CNBD1: variants seen among roughly 807,000 people sequenced by gnomAD.
The protein encoded by CNBD1 is cyclic nucleotide-binding domain-containing protein 1.
In CNBD1, 71 loss-of-function variants were observed where a neutral mutation model predicts 54.4. That is an observed-to-expected ratio of 1.30 (90% CI 1.08 to 1.59). The LOEUF (loss-of-function observed/expected upper bound fraction) is 1.59. Ranked by LOEUF, CNBD1 falls within the 40% of genes most tolerant of loss-of-function variation. The pLI is 0.00. For missense variants in CNBD1, 659 were observed against 518.0 expected (o/e 1.27, Z -2.64); for synonymous variants, 182 against 170.7 (o/e 1.07, Z -0.51).
chr8:87,328,258 G>C (rs888299883), intron 8 of CNBD1, among the ~76,000 whole-genome samples: 2 of 151,678 alleles, frequency 1.3e-5, no homozygotes, highest in South Asian at 2.1e-4. Flanking sequence ...TTTATTTTTG[G>C]CACCCTTGTC....
At chr8:86,910,900 C>T (rs1004613558) in intron 3 of CNBD1, among the ~76,000 whole-genome samples, 3 of 152,100 alleles carry the variant, frequency 2.0e-5, no homozygotes, top group African/African-American at 7.2e-5. Flanking sequence ...TATAGATGAG[C>T]TTGAGGAGGT....
chr8:86,924,525 G>A (rs546943364), intron 3 of CNBD1, among the ~76,000 whole-genome samples: 2 of 152,092 alleles, frequency 1.3e-5, no homozygotes, highest in African/African-American at 2.4e-5. Context: ...TTCTGTGGGT[G>A]GAAAAAGTAG....
chr8:87,185,916 C>T (rs1359561688), intron 4 of CNBD1, among the ~76,000 whole-genome samples: 2 of 152,082 alleles, frequency 1.3e-5, no homozygotes, highest in African/African-American at 2.4e-5. Flanking sequence ...TGGATTCCCT[C>T]GTCCCATTCT....
chr8:86,928,572 T>G (rs1157974571), intron 3 of CNBD1, among the ~76,000 whole-genome samples: 2 of 152,224 alleles, frequency 1.3e-5, no homozygotes. Flanking sequence ...GGACTTTAAC[T>G]ACTTCCTGAG....
intron 3 of CNBD1, among the ~76,000 whole-genome samples, chr8:86,907,678 AAAAC>A (rs1240508283): frequency 3.3e-5 from 5 of 151,948 alleles, no homozygotes; most frequent in African/African-American, 1.2e-4. Context: ...AAAAAAAACA[AAAAC>A]AAAAAAACAA....
chr8:86,957,428 G>T (rs936303421), intron 4 of CNBD1, among the ~76,000 whole-genome samples: 4 of 152,132 alleles, frequency 2.6e-5, no homozygotes, highest in African/African-American at 9.7e-5. Flanking sequence ...TTGTACCTCT[G>T]GTAGAATTCG....
intron 4 of CNBD1, among the ~76,000 whole-genome samples, chr8:87,039,318 T>C (rs1026426366): frequency 6.6e-6 from 1 of 152,196 alleles, no homozygotes; most frequent in Non-Finnish European, 1.5e-5. Context: ...CCCTTTCCTA[T>C]ATTTGCCTTC....
chr8:87,421,613 T>A (rs978637585), intron 2 of CNBD1, among the ~76,000 whole-genome samples: 1 of 152,112 alleles, frequency 6.6e-6, no homozygotes, highest in Non-Finnish European at 1.5e-5. Flanking sequence ...ACTCATCATT[T>A]TTATGGCTGC....
At chr8:87,373,427 G>A (rs769181499) in intron 10 of CNBD1, among the ~76,000 whole-genome samples, 7 of 151,882 alleles carry the variant, frequency 4.6e-5, no homozygotes, top group East Asian at 1.9e-4. Context: ...TGCATCTCTC[G>A]CTTACCTAAA....
At chr8:86,988,093 G>A (rs1243022150) in intron 4 of CNBD1, among the ~76,000 whole-genome samples, 1 of 150,290 alleles carries the variant, frequency 6.7e-6, no homozygotes, top group African/African-American at 2.4e-5. Context: ...TGTACATATG[G>A]TAGAATTTGG....
intron 6 of CNBD1, among the ~76,000 whole-genome samples, chr8:87,244,253 G>A (rs746226386): frequency 1.1e-4 from 16 of 151,640 alleles, no homozygotes; most frequent in Non-Finnish European, 2.2e-4. Context: ...CATTTCTTTC[G>A]AGTTTCTGAT....
At chr8:87,030,206 G>A (rs1428671619) in intron 4 of CNBD1, among the ~76,000 whole-genome samples, 1 of 152,086 alleles carries the variant, frequency 6.6e-6, no homozygotes, top group Admixed American at 6.5e-5. Context: ...AGTCACCATG[G>A]AAACTGTCTC....
intron 2 of CNBD1, among the ~76,000 whole-genome samples, chr8:86,902,701 TC>T (rs1808956677): frequency 6.6e-6 from 1 of 151,968 alleles, no homozygotes; most frequent in African/African-American, 2.4e-5. Flanking sequence ...AGTGGCAACT[TC>T]TTTGTCCATG....
intron 4 of CNBD1, among the ~76,000 whole-genome samples, chr8:87,146,977 TTAAAA>T (rs1812504072): frequency 6.6e-6 from 1 of 152,146 alleles, no homozygotes; most frequent in African/African-American, 2.4e-5. Context: ...TCTATGATAC[TTAAAA>T]TAAAATTGGA....
rs113467083 is a variant in CNBD1 at position 87,230,354 on chromosome 8, T to C, written c.578-6565T>C. 3.3e-4 allele frequency among the ~76,000 whole-genome samples: 50 copies of C among 152,292 alleles called. 1 individual carries two copies. The highest frequency in any genetic ancestry group is 1.0e-3 in the African/African-American group (43 of 41,572). ...ATGGTAAGAATTATTTTAATTCCCA[T>C]TGAGGTTGTTTATAAAATCTATAAA... On this transcript the variant is annotated intron_variant, in intron 5 of 10. Coordinates refer to ENST00000518476, the MANE Select transcript of CNBD1 (RefSeq NM_173538.3).
chr8:87,327,727 G>A (rs1279031473), intron 8 of CNBD1, among the ~76,000 whole-genome samples: 21 of 152,108 alleles, frequency 1.4e-4, no homozygotes, highest in African/African-American at 3.6e-4. Context: ...AGATGAACCC[G>A]GTACCTCAGA....
At chr8:87,360,617 C>T (rs957466289) in intron 10 of CNBD1, among the ~76,000 whole-genome samples, 2 of 151,896 alleles carry the variant, frequency 1.3e-5, no homozygotes, top group African/African-American at 4.8e-5. Flanking sequence ...CTTAAATTCT[C>T]ATTCCACCAT....
intron 8 of CNBD1, among the ~76,000 whole-genome samples, chr8:87,296,914 G>A (rs1585990959): frequency 1.3e-5 from 2 of 151,894 alleles, no homozygotes; most frequent in Non-Finnish European, 2.9e-5. Context: ...GGTGGCTCAC[G>A]CCTGTAATCC....
At chr8:87,376,287 T>A (rs1399879375) in intron 10 of CNBD1, among the ~76,000 whole-genome samples, 9 of 151,780 alleles carry the variant, frequency 5.9e-5, no homozygotes, top group African/African-American at 2.2e-4. Context: ...ACATTCCTGG[T>A]TTGCAAAAAT....
Sources: allele counts gnomAD v4.1 joint callset (sites outside exome capture counted in the v4.1 genomes callset), GRCh38; gene constraint gnomAD v4.1.1; transcripts MANE v1.5; gene names NCBI Gene and HGNC (gene_info 2026-07-23, HGNC 2026-07-21).